EIF4E3: variants seen among roughly 807,000 people sequenced by gnomAD.
EIF4E3 encodes the protein eukaryotic translation initiation factor 4E type 3.
In EIF4E3, 26 loss-of-function variants were observed where a neutral mutation model predicts 31.7. The ratio of observed to expected loss-of-function variants is 0.82; its 90% CI spans 0.60 to 1.14. EIF4E3 has a LOEUF of 1.14. Among genes scored for constraint, EIF4E3 ranks in the 50% most tolerant of loss-of-function variants. The pLI, the probability that EIF4E3 is intolerant of heterozygous loss-of-function variation, is 0.00. For missense variants in EIF4E3, 304 were observed against 270.9 expected (o/e 1.12, Z -0.86); for synonymous variants, 128 against 107.7 (o/e 1.19, Z -1.17).
In EIF4E3 at chr3:71,679,169, T is replaced by C. The variant is rs2048895957; in HGVS notation, c.*5513A>G. On this transcript the variant is annotated 3_prime_UTR_variant, in exon 7 of 7. Transcript: ENST00000425534. ...TTAATATTCACCATTCATCATGTAA[T>C]GTAAAGTGCTAAAATTAAAATTTTC... 6.6e-6 allele frequency: 1 copy of C among 152,184 alleles called. No individual in the cohort carries two copies. The highest frequency in any genetic ancestry group is 2.4e-5 in the African/African-American group (1 of 41,450). 9.4% of individuals were successfully genotyped at this position (152,184 alleles called of 1,614,324 possible).
rs1226270325 is a variant in EIF4E3 at position 71,684,021 on chromosome 3, T to C, written c.*661A>G. 6.6e-6 allele frequency: 1 copy of C among 152,244 alleles called. No homozygotes were observed. Among genetic ancestry groups the C allele is most frequent in the Non-Finnish European group, 1.5e-5 (1 of 68,030 alleles). 9.4% of individuals were successfully genotyped at this position (152,244 alleles called of 1,614,324 possible). A position where few individuals can be genotyped will look rare whatever the true frequency, so the allele number is the denominator to read the frequency against. On this transcript the variant is annotated 3_prime_UTR_variant, in exon 7 of 7. Transcript: ENST00000425534. ...TACTGAATTGTGATTATAGTTTTCATGTTATGCAATCCAACTATTATTTTC... is the reference window on the plus strand; with the variant it reads ...TACTGAATTGTGATTATAGTTTTCACGTTATGCAATCCAACTATTATTTTC...
chr3:71,724,884 C>T (rs184395737), intron 1 of EIF4E3, among the ~76,000 whole-genome samples: 214 of 152,330 alleles, frequency 1.4e-3, no homozygotes, highest in Non-Finnish European at 2.7e-3. Context: ...CCCTCTCCCA[C>T]GGCCCTGCCA....
the EIF4E3 span, among the ~76,000 whole-genome samples, chr3:71,663,127 A>T: frequency 1.2e-3 from 182 of 152,248 alleles, 2 homozygotes; most frequent in Non-Finnish European, 1.9e-3. Flanking sequence ...TCCCCATCAG[A>T]AGAGAAGAAC....
At chr3:71,671,775 A>T (rs549262449), downstream of EIF4E3, among the ~76,000 whole-genome samples, 1 of 152,168 alleles carries the variant, frequency 6.6e-6, no homozygotes, top group Admixed American at 6.5e-5. Context: ...GCCTTCTTTT[A>T]AAAATTGTGC....
At chr3:71,675,219 GC>G (rs2048866802), downstream of EIF4E3, among the ~76,000 whole-genome samples, 1 of 152,188 alleles carries the variant, frequency 6.6e-6, no homozygotes, top group African/African-American at 2.4e-5. Flanking sequence ...GAGGGATTTT[GC>G]ATGATCCATC....
intron 1 of EIF4E3, among the ~76,000 whole-genome samples, chr3:71,730,839 C>A (rs2049698624): frequency 6.6e-6 from 1 of 152,066 alleles, no homozygotes; most frequent in Non-Finnish European, 1.5e-5. Flanking sequence ...AAGCAATCCT[C>A]CCATCTCAGC....
chr3:71,712,644 G>GGGGGGGGGGGGGGC (rs35405190), intron 1 of EIF4E3, among the ~76,000 whole-genome samples: 5 of 123,988 alleles, frequency 4.0e-5, no homozygotes, highest in African/African-American at 9.5e-5. Flanking sequence ...GTGGGCGGGG[G>GGGGGGGGGGGGGGC]AGATTCTAGG....
intron 1 of EIF4E3, among the ~76,000 whole-genome samples, chr3:71,719,004 A>G (rs1471363816): frequency 6.6e-6 from 1 of 152,174 alleles, no homozygotes; most frequent in Non-Finnish European, 1.5e-5. Flanking sequence ...AGGCAACTCA[A>G]TGAACAAGGA....
In EIF4E3 at chr3:71,699,605, G is replaced by A; in HGVS notation, c.344+9C>T. On this transcript the variant is annotated intron_variant, in intron 3 of 6. Transcript: ENST00000425534. ...CACCTTGACCTTAAATTACACGTTA[G>A]ACACTTACCAAAGTGGTCGCCTCTC... The A allele has an allele frequency of 6.2e-7, 1 of 1,612,278 alleles. No individual in the cohort carries two copies. The highest frequency in any genetic ancestry group is 8.5e-7 in the Non-Finnish European group (1 of 1,178,914).
At chr3:71,748,159 G>C (rs995247982) in intron 1 of EIF4E3, among the ~76,000 whole-genome samples, 4 of 152,056 alleles carry the variant, frequency 2.6e-5, no homozygotes, top group Non-Finnish European at 5.9e-5. Context: ...GATTCCAGTT[G>C]ACTCTTGAAC....
In EIF4E3 at chr3:71,725,147, G is replaced by T; in HGVS notation, c.176+45C>A. On this transcript the variant is annotated intron_variant, in intron 1 of 6. Coordinates refer to ENST00000425534, the MANE Select transcript of EIF4E3 (RefSeq NM_001134651.2). This position sits in a 1 kb window ranked among gnomAD's most constrained non-coding sequence, Gnocchi z 6.1. The stretch of plus-strand genomic sequence containing the variant: ...CCGAGACAAAGCGGCGGTGGCGGCA[G>T]GACCCGGGTCGGGGCCGTGCGCGGC... 1.9e-6 allele frequency: 2 copies of T among 1,040,880 alleles called. No individual in the cohort carries two copies. Among genetic ancestry groups the T allele is most frequent in the Non-Finnish European group, 2.3e-6 (2 of 868,080 alleles). 64.5% of individuals were successfully genotyped at this position (1,040,880 alleles called of 1,614,324 possible).
chr3:71,713,151 C>T (rs933499740), intron 1 of EIF4E3, among the ~76,000 whole-genome samples: 9 of 152,194 alleles, frequency 5.9e-5, no homozygotes, highest in African/African-American at 1.4e-4. Flanking sequence ...CTCTGACCTC[C>T]GTTGAAGCAC....
intron 1 of EIF4E3, among the ~76,000 whole-genome samples, chr3:71,753,264 C>T (rs938680166): frequency 5.3e-5 from 8 of 152,228 alleles, no homozygotes; most frequent in South Asian, 2.1e-4. Context: ...CCACCCACAT[C>T]AGTGCGCACC....
intron 3 of EIF4E3, among the ~76,000 whole-genome samples, chr3:71,697,110 G>A (rs1283390709): frequency 6.6e-6 from 1 of 151,956 alleles, no homozygotes; most frequent in Non-Finnish European, 1.5e-5. Flanking sequence ...TGAACTCCTG[G>A]GCTCAAGCAA....
intron 1 of EIF4E3, among the ~76,000 whole-genome samples, chr3:71,732,719 C>A (rs1040155268): frequency 1.8e-4 from 28 of 152,318 alleles, no homozygotes; most frequent in Admixed American, 1.3e-4. Context: ...AGCCGGCAGG[C>A]CTCAAATTGG....
chr3:71,748,568 C>T (rs1195688395), intron 1 of EIF4E3, among the ~76,000 whole-genome samples: 1 of 152,092 alleles, frequency 6.6e-6, no homozygotes, highest in Non-Finnish European at 1.5e-5. Context: ...GTGGATGCAT[C>T]TAATATCAAA....
At chr3:71,663,643 G>C in the EIF4E3 span, among the ~76,000 whole-genome samples, 2 of 152,248 alleles carry the variant, frequency 1.3e-5, no homozygotes, top group Non-Finnish European at 2.9e-5. Flanking sequence ...GCAGGACAGA[G>C]TGAAGCTTCT....
rs1194570650 is a variant in EIF4E3 at position 71,725,235 on chromosome 3, C to T, written c.133G>A (p.Gly45Ser). 8.9e-7 allele frequency: 1 copy of T among 1,128,482 alleles called. No individual in the cohort carries two copies. Among genetic ancestry groups the T allele is most frequent in the Non-Finnish European group, 1.1e-6 (1 of 916,508 alleles). 69.9% of individuals were successfully genotyped at this position (1,128,482 alleles called of 1,614,324 possible). A position where few individuals can be genotyped will look rare whatever the true frequency, so the allele number is the denominator to read the frequency against. ...QQLSALQPEP[G>S]GVPLHSSWTF... ...CAGGACGAGTGCAGCGGGACCCCGC[C>T]CGGCTCAGGCTGCAGCGCCGACAGC... The change falls in exon 1 of 7, where the codon GGC becomes AGC. Residue 45 changes from glycine (G) to serine (S), a missense_variant. Gly to Ser is a moderately conservative substitution (Grantham distance 56). Transcript: ENST00000425534. The surrounding 1 kb of genome is among the most constrained non-coding windows in gnomAD (Gnocchi z 6.1).
intron 1 of EIF4E3, among the ~76,000 whole-genome samples, chr3:71,716,042 C>A (rs958189776): frequency 6.6e-6 from 1 of 152,138 alleles, no homozygotes; most frequent in African/African-American, 2.4e-5. Context: ...CATATCCCTC[C>A]GTGGGCCCAC....
Sources: allele counts gnomAD v4.1 joint callset (sites outside exome capture counted in the v4.1 genomes callset), GRCh38; gene constraint gnomAD v4.1.1; non-coding constraint Gnocchi (gnomAD v3.1); transcripts MANE v1.5; gene names NCBI Gene and HGNC (gene_info 2026-07-23, HGNC 2026-07-21).